Variants in PLEKHA5 observed in about 807,000 individuals in gnomAD.
PLEKHA5 encodes the protein pleckstrin homology domain-containing family A member 5.
Under a neutral mutation model 181.9 loss-of-function variants are expected in PLEKHA5, and 55 were observed. The observed-to-expected ratio is 0.30, with a 90% confidence interval of 0.24 to 0.38. The LOEUF (loss-of-function observed/expected upper bound fraction) is 0.38, where lower values mean the gene tolerates loss of function less well. Among genes scored for constraint, PLEKHA5 ranks in the 10% least tolerant of loss-of-function variants. The pLI, the probability that PLEKHA5 is intolerant of heterozygous loss-of-function variation, is 1.00. For synonymous variants in PLEKHA5, 535 were observed against 529.4 expected (o/e 1.01, Z -0.15); for missense variants, 1,432 against 1,549.5 (o/e 0.92, Z 1.27).
At chr12:19,192,595 C>T (rs994968687) in intron 3 of PLEKHA5, among the ~76,000 whole-genome samples, 19 of 152,226 alleles carry the variant, frequency 1.2e-4, no homozygotes, top group African/African-American at 3.4e-4. Flanking sequence ...CCCAGCCACT[C>T]GGGTGGCTGA....
At chr12:19,336,983 CTTT>C (rs1227139242) in intron 21 of PLEKHA5, among the ~76,000 whole-genome samples, 1 of 112,668 alleles carries the variant, frequency 8.9e-6, no homozygotes. Context: ...TATCTTTTAT[CTTT>C]TTTTTTTTTT....
chr12:19,321,366 T>C (rs1475030762), intron 18 of PLEKHA5, among the ~76,000 whole-genome samples: 2 of 120,482 alleles, frequency 1.7e-5, no homozygotes, highest in Admixed American at 8.4e-5. Context: ...TTTTCTTTTT[T>C]TTTTTTTTTT....
chr12:19,149,503 CAAAAAAAAAAAA>C (rs1187986216), intron 3 of PLEKHA5: 5 of 45,592 alleles, frequency 1.1e-4, no homozygotes, highest in Admixed American at 2.4e-4. Context: ...GACTCCATCT[CAAAAAAAAAAAA>C]AAAAAAAAGA....
chr12:19,172,709 C>T (rs992514803), intron 3 of PLEKHA5, among the ~76,000 whole-genome samples: 8 of 152,084 alleles, frequency 5.3e-5, no homozygotes, highest in African/African-American at 1.9e-4. Flanking sequence ...TTGCAGTAAC[C>T]CTTAAGAGAG....
chr12:19,355,354 T>C (rs1408906181), intron 26 of PLEKHA5, among the ~76,000 whole-genome samples: 1 of 148,442 alleles, frequency 6.7e-6, no homozygotes, highest in East Asian at 1.9e-4. Context: ...CTTTTTTTTT[T>C]TTTTTTTTTT....
intron 26 of PLEKHA5, 24 bp downstream of exon 26, chr12:19,354,026 C>A (rs541315061): frequency 1.8e-6 from 2 of 1,124,454 alleles, no homozygotes; most frequent in African/African-American, 1.6e-5. Flanking sequence ...AATTAATCTT[C>A]TAGGAAGATT....
intron 3 of PLEKHA5, among the ~76,000 whole-genome samples, chr12:19,231,686 CAG>C (rs1306122293): frequency 3.5e-5 from 5 of 140,896 alleles, no homozygotes; most frequent in Admixed American, 7.2e-5. Flanking sequence ...GTTCTTGAAT[CAG>C]AATTTATCAT....
chr12:19,131,208 T>G (rs1287855402), intron 2 of PLEKHA5, among the ~76,000 whole-genome samples: 6 of 152,210 alleles, frequency 3.9e-5, no homozygotes, highest in African/African-American at 1.4e-4. Flanking sequence ...AGCTGGCCTC[T>G]GGGGTACATT....
intron 3 of PLEKHA5, among the ~76,000 whole-genome samples, chr12:19,252,577 T>A (rs999374471): frequency 6.6e-6 from 1 of 152,158 alleles, no homozygotes; most frequent in African/African-American, 2.4e-5. Context: ...GAAAGAATAC[T>A]ATTTCTTAGG....
intron 13 of PLEKHA5, among the ~76,000 whole-genome samples, chr12:19,290,441 G>T (rs2078175278): frequency 6.6e-6 from 1 of 152,102 alleles, no homozygotes; most frequent in African/African-American, 2.4e-5. Context: ...CATGAGTTCT[G>T]AGAAAATGCC....
At chr12:19,146,187 A>G (rs2038871634) in intron 3 of PLEKHA5, among the ~76,000 whole-genome samples, 1 of 152,202 alleles carries the variant, frequency 6.6e-6, no homozygotes, top group Non-Finnish European at 1.5e-5. Flanking sequence ...ATCCTTACTT[A>G]TATCCTTGCC....
At chr12:19,341,189 A>G (rs1221033380) in intron 21 of PLEKHA5, among the ~76,000 whole-genome samples, 1 of 152,102 alleles carries the variant, frequency 6.6e-6, no homozygotes, top group Non-Finnish European at 1.5e-5. Flanking sequence ...AGGCAGGAGG[A>G]TTGCTTGAAC....
At chr12:19,288,077 C>CAAAAAA (rs9300127) in intron 13 of PLEKHA5, 6 of 185,962 alleles carry the variant, frequency 3.2e-5, no homozygotes, top group African/African-American at 7.0e-5. Context: ...GACTCTGTCT[C>CAAAAAA]AAAAAAAAAA....
intron 11 of PLEKHA5, among the ~76,000 whole-genome samples, chr12:19,280,952 C>T (rs1290694619): frequency 6.6e-6 from 1 of 152,068 alleles, no homozygotes; most frequent in African/African-American, 2.4e-5. Context: ...CTCAAGCGAT[C>T]TGCCTGCCTC....
rs1386269683 is a variant in PLEKHA5 at position 19,336,549 on chromosome 12, T to C, written c.2483T>C (p.Leu828Ser). Residue 828 changes from leucine to serine, a missense_variant, in exon 21 of 32, where the codon TTA (leucine) becomes TCA (serine). Coordinates refer to ENST00000429027, the MANE Select transcript of PLEKHA5 (RefSeq NM_001256470.2). ...CGAGCATGGAGAGAATATGATAAGT[T>C]AGAATACGATGTAACTGTTACCAGG... Reference protein sequence around the residue: ...LERAWREYDKLEYDVTVTRNQ... With the variant: ...LERAWREYDKSEYDVTVTRNQ... The C allele has an allele frequency of 6.2e-7, 1 of 1,608,580 alleles. No homozygotes were observed. Among genetic ancestry groups the C allele is most frequent in the African/African-American group, 1.3e-5 (1 of 74,814 alleles).
chr12:19,370,829 A>G (rs1219929200), intron 31 of PLEKHA5: 1 of 152,040 alleles, frequency 6.6e-6, no homozygotes, highest in Non-Finnish European at 1.5e-5. Context: ...AGCTGGGATC[A>G]CAAGTGCACG....
At chr12:19,247,786 T>G (rs1474663511) in intron 3 of PLEKHA5, among the ~76,000 whole-genome samples, 2 of 151,904 alleles carry the variant, frequency 1.3e-5, no homozygotes, top group African/African-American at 4.8e-5. Context: ...GTGAGGGCAT[T>G]CGTTCATTTT....
intron 3 of PLEKHA5, chr12:19,200,756 A>G: frequency 1.0e-5 from 8 of 767,322 alleles, no homozygotes; most frequent in Non-Finnish European, 1.3e-5. Context: ...CTGGGGGAAA[A>G]TGAATGATTC....
At chr12:19,283,240 C>G (rs1056717877) in intron 11 of PLEKHA5, 40 bp from the exon 12 acceptor site, 6 of 1,228,712 alleles carry the variant, frequency 4.9e-6, no homozygotes, top group African/African-American at 1.5e-5. Flanking sequence ...GGAAAATAAC[C>G]CTCCTTCATG....
Sources: allele counts gnomAD v4.1 joint callset (sites outside exome capture counted in the v4.1 genomes callset), GRCh38; gene constraint gnomAD v4.1.1; transcripts MANE v1.5; gene names NCBI Gene and HGNC (gene_info 2026-07-23, HGNC 2026-07-21).